LPIN2: variants seen among roughly 807,000 people sequenced by gnomAD.
LPIN2 encodes phosphatidate phosphatase LPIN2.
In LPIN2, 55 loss-of-function variants were observed where a neutral mutation model predicts 111.4. The observed-to-expected ratio is 0.49, with a 90% confidence interval of 0.40 to 0.62. The LOEUF (loss-of-function observed/expected upper bound fraction) is 0.62. LPIN2 is among the 20% of genes least tolerant of loss of function. The pLI, the probability that LPIN2 is intolerant of heterozygous loss-of-function variation, is 0.00. For missense variants in LPIN2, 992 were observed against 1,112.1 expected, an observed-to-expected ratio of 0.89 and a Z score of 1.54; for synonymous variants, 425 against 414.0, an observed-to-expected ratio of 1.03 and a Z score of -0.32.
chr18:2,919,918 C>T lies in LPIN2; in HGVS notation c.*375G>A, dbSNP rs1307589668. On this transcript the variant is annotated 3_prime_UTR_variant, in exon 20 of 20. Coordinates refer to ENST00000677752, the MANE Select transcript of LPIN2 (RefSeq NM_001375808.2). ...GGTTACAGAAGCCACCTCAACTGCC[C>T]AGTGGAAACTGGAACACTTCACTGT... is the stretch of plus-strand genomic sequence containing the variant. 4 of 331,608 alleles carry T rather than the reference C, an allele frequency of 1.2e-5. No individual in the cohort carries two copies. Among genetic ancestry groups the T allele is most frequent in the Non-Finnish European group, 2.4e-5 (4 of 169,278 alleles). The allele number at this position is 331,608 out of a possible 1,614,324, so 20.5% of individuals were successfully genotyped here.
chr18:3,012,616 A>T (rs1291739850), intron 1 of LPIN2, among the ~76,000 whole-genome samples: 1 of 152,170 alleles, frequency 6.6e-6, no homozygotes, highest in Non-Finnish European at 1.5e-5. Flanking sequence ...GCCTCGCCGC[A>T]GATCACGTGC....
At position 2,918,993 on chromosome 18, in the gene LPIN2, G is replaced by A. The variant is rs1055642910; in HGVS notation, c.*1300C>T. On this transcript the variant is annotated 3_prime_UTR_variant, in exon 20 of 20. Transcript: ENST00000677752. The stretch of plus-strand genomic sequence containing the variant: ...TGGGGTTGGTTCTGGGCTCCTGACA[G>A]TTCTCTTGATGTTAAGAGTGCAGCT... 2 of 152,174 alleles carry A rather than the reference G, an allele frequency of 1.3e-5. No homozygotes were observed. Among genetic ancestry groups the A allele is most frequent in the African/African-American group, 2.4e-5 (1 of 41,434 alleles). 9.4% of individuals were successfully genotyped at this position (152,174 alleles called of 1,614,324 possible).
chr18:2,933,004 C>T (rs2144170756), intron 8 of LPIN2, among the ~76,000 whole-genome samples: 1 of 152,332 alleles, frequency 6.6e-6, no homozygotes, highest in South Asian at 2.1e-4. Flanking sequence ...CATCTACACA[C>T]ATGGGGATGC....
chr18:2,960,174 ATGTGTGTGTGTGTGTG>A (rs59457524), intron 2 of LPIN2, among the ~76,000 whole-genome samples: 68 of 136,632 alleles, frequency 5.0e-4, no homozygotes, highest in East Asian at 2.0e-3. Flanking sequence ...CGACTCAAAA[ATGTGTGTGTGTGTGTG>A]TGTGTGTGTG....
intron 4 of LPIN2, among the ~76,000 whole-genome samples, chr18:2,944,754 T>G (rs2077423403): frequency 6.6e-6 from 1 of 152,198 alleles, no homozygotes; most frequent in Non-Finnish European, 1.5e-5. Flanking sequence ...GAGGGCTTAG[T>G]CTGTAAATCA....
At chr18:2,946,230 C>T in intron 4 of LPIN2, 1 of 1,576,614 alleles carries the variant, frequency 6.3e-7, no homozygotes, top group Non-Finnish European at 8.7e-7. Context: ...TTTATCGCGT[C>T]TACTGTCTTA....
At chr18:2,927,618 G>T in intron 12 of LPIN2, 104 bp downstream of exon 12, 2 of 1,196,006 alleles carry the variant, frequency 1.7e-6, no homozygotes, top group Non-Finnish European at 2.5e-6. Context: ...TGGTAAAATA[G>T]CCCTATACAG....
chr18:2,945,492 TCA>T (rs1042846673), intron 4 of LPIN2: 3 of 906,054 alleles, frequency 3.3e-6, no homozygotes, highest in African/African-American at 3.3e-5. Context: ...AGCCACCACT[TCA>T]CACAGTATTA....
rs2077582282 is a variant in LPIN2 at position 2,954,587 on chromosome 18, T to C, written c.205A>G (p.Ile69Val). The C allele has an allele frequency of 6.2e-7, 1 of 1,610,498 alleles. No homozygotes were observed. The highest frequency in any genetic ancestry group is 8.5e-7 in the Non-Finnish European group (1 of 1,176,792). The change falls in exon 3 of 20, where the codon ATC becomes GTC. Residue 69 changes from isoleucine (I) to valine (V), a missense_variant. By Grantham distance (29) the Ile-to-Val change is conservative (BLOSUM62 3). Around this residue, in one of 4 missense-constraint regions of LPIN2, gnomAD observed 67 missense variants for 112.1 expected, o/e 0.60. Coordinates refer to ENST00000677752, the MANE Select transcript of LPIN2 (RefSeq NM_001375808.2). ...TGAAGATCCACTGCACTGCCGTTGA[T>C]TTCTATATCAATCTATGGGAGAAAC... Reference protein sequence around the residue: ...RSKEKVIDIEINGSAVDLHMK... With the variant: ...RSKEKVIDIEVNGSAVDLHMK...
chr18:2,937,781 T>C lies in LPIN2; in HGVS notation c.1079A>G (p.Asp360Gly). The C allele has an allele frequency of 6.2e-7, 1 of 1,614,126 alleles. No homozygotes were observed. Among genetic ancestry groups the C allele is most frequent in the Non-Finnish European group, 8.5e-7 (1 of 1,180,024 alleles). The change falls in exon 7 of 20, where the codon GAT (aspartate) becomes GGT (glycine). Residue 360 changes from aspartate to glycine, a missense_variant. By Grantham distance (94) the Asp-to-Gly change is moderately conservative. Coordinates refer to ENST00000677752, the MANE Select transcript of LPIN2 (RefSeq NM_001375808.2). ...LESTQISSML[D>G]ADHLPNAALA... Reference sequence around the variant, plus strand: ...GGCTGCGTTGGGAAGGTGGTCAGCATCTAACATAGATGAAATCTGAGTACT... The same window carrying C: ...GGCTGCGTTGGGAAGGTGGTCAGCACCTAACATAGATGAAATCTGAGTACT...
At chr18:2,940,812 AG>A (rs1465047792) in intron 4 of LPIN2, 100 bp from the exon 5 acceptor site, 11 of 736,044 alleles carry the variant, frequency 1.5e-5, no homozygotes, top group Non-Finnish European at 2.7e-5. Flanking sequence ...CAAAATGAAG[AG>A]GGGCAAATGA....
At chr18:2,958,163 A>AAAAAAAC (rs2077648234) in intron 2 of LPIN2, among the ~76,000 whole-genome samples, 1 of 142,664 alleles carries the variant, frequency 7.0e-6, no homozygotes, top group Admixed American at 7.0e-5. Context: ...AAAAACAACA[A>AAAAAAAC]AAAAAAAAAA....
At chr18:3,004,822 G>A (rs773505817) in intron 1 of LPIN2, among the ~76,000 whole-genome samples, 4 of 152,040 alleles carry the variant, frequency 2.6e-5, no homozygotes, top group African/African-American at 2.4e-5. Flanking sequence ...TCAGCCCAGC[G>A]ATATGCTCAT....
At chr18:2,993,341 T>G (rs2078295579) in intron 1 of LPIN2, among the ~76,000 whole-genome samples, 1 of 152,262 alleles carries the variant, frequency 6.6e-6, no homozygotes, top group South Asian at 2.1e-4. Flanking sequence ...ATATTTGTTC[T>G]TGGCTATAAA....
At chr18:2,972,152 C>T (rs1004176575) in intron 1 of LPIN2, among the ~76,000 whole-genome samples, 1 of 152,188 alleles carries the variant, frequency 6.6e-6, no homozygotes, top group African/African-American at 2.4e-5. Flanking sequence ...CAATACTTTC[C>T]TCCAGAAGCT....
At chr18:2,978,766 G>C (rs111750627) in intron 1 of LPIN2, among the ~76,000 whole-genome samples, 1,554 of 152,298 alleles carry the variant, frequency 0.01, 26 homozygotes, top group African/African-American at 0.035. Flanking sequence ...AGCTCCACAG[G>C]GATTCACTCA....
Position 2,950,842 on chromosome 18 carries a change from C to G in LPIN2, c.590+213G>C, listed in dbSNP as rs150222327. On this transcript the variant is annotated intron_variant, in intron 4 of 19. Coordinates refer to ENST00000677752, the MANE Select transcript of LPIN2 (RefSeq NM_001375808.2). ...AACTTCTTTATGAAAAGAAACACAA[C>G]CAGTCTGCTACAAATGACATTTCAG... is the stretch of plus-strand genomic sequence containing the variant. Among the ~76,000 whole-genome samples the G allele has an allele frequency of 4.0e-4, 61 of 152,286 alleles. No individual in the cohort carries two copies. In the East Asian group the frequency reaches 0.011, roughly 28 times the overall value.
intron 19 of LPIN2, 65 bp downstream of exon 19, chr18:2,920,713 T>G: frequency 1.7e-6 from 2 of 1,199,658 alleles, no homozygotes; most frequent in South Asian, 2.4e-5. Context: ...AAGGACAGGG[T>G]CTGTCTGTCC....
At chr18:2,920,671 G>C in intron 19 of LPIN2, 107 bp downstream of exon 19, 1 of 884,322 alleles carries the variant, frequency 1.1e-6, no homozygotes, top group South Asian at 1.4e-5. Flanking sequence ...CTGATCCTTT[G>C]ATCAGGGCCT....
Sources: allele counts gnomAD v4.1 joint callset (sites outside exome capture counted in the v4.1 genomes callset), GRCh38; gene constraint gnomAD v4.1.1; regional missense constraint gnomAD v4.1.1; transcripts MANE v1.5; gene names NCBI Gene and HGNC (gene_info 2026-07-23, HGNC 2026-07-21).